AGPAT4: variants seen among roughly 807,000 people sequenced by gnomAD.
The protein encoded by AGPAT4 is 1-acyl-sn-glycerol-3-phosphate acyltransferase delta.
Under a neutral mutation model 48.0 loss-of-function variants are expected in AGPAT4, and 15 were observed. That is an observed-to-expected ratio of 0.31 (90% confidence interval 0.21 to 0.48). AGPAT4 has a LOEUF of 0.48. AGPAT4 is among the 20% of genes least tolerant of loss of function. The pLI, the probability that AGPAT4 is intolerant of heterozygous loss-of-function variation, is 0.99. For synonymous variants in AGPAT4, 178 were observed against 198.7 expected (o/e 0.90, Z 0.88); for missense variants, 314 against 482.5 (o/e 0.65, Z 3.27).
rs947441514 is a variant in AGPAT4, at chr6:161,184,454, G to A, written c.179-18037C>T. 5.9e-5 allele frequency among the ~76,000 whole-genome samples: 9 copies of A among 151,908 alleles called. No homozygotes were observed. Among genetic ancestry groups the A allele is most frequent in the African/African-American group, 1.9e-4 (8 of 41,320 alleles). ...GAAGGTGTGTGGAGGGAGATAGAGG[G>A]GCAGGTGATGGAGGAGTCTGGCATT... On this transcript the variant is annotated intron_variant, in intron 2 of 8. Coordinates refer to ENST00000320285, the MANE Select transcript of AGPAT4 (RefSeq NM_020133.3). The surrounding 1 kb of genome is among the most constrained non-coding windows in gnomAD (Gnocchi z 4.8).
Position 161,264,615 on chromosome 6 carries a change from C to T in AGPAT4, c.-90+9323G>A, listed in dbSNP as rs748270146. ...CGTGGGAACCCCTCGCTGAGGCTTC[C>T]GTCTTGCCCTCTGGGCAGCAGGCTC... On this transcript the variant is annotated intron_variant, in intron 1 of 8. Transcript: ENST00000320285. This position sits in a 1 kb window ranked among gnomAD's most constrained non-coding sequence, Gnocchi z 6.8. 2.6e-5 allele frequency among the ~76,000 whole-genome samples: 4 copies of T among 152,222 alleles called. No individual in the cohort carries two copies. Among genetic ancestry groups the T allele is most frequent in the South Asian group, 2.1e-4 (1 of 4,836 alleles).
Position 161,149,178 on chromosome 6 carries a change from T to C in AGPAT4, c.767+9A>G. 1 of 1,610,950 alleles carries C rather than the reference T, an allele frequency of 6.2e-7. No individual in the cohort carries two copies. The highest frequency in any genetic ancestry group is 8.5e-7 in the Non-Finnish European group (1 of 1,179,206). ...CTGTCTTTTCTGGAAAGGAAACAGT[T>C]CGACTTACCTAACATACAAATCTGC... On this transcript the variant is annotated intron_variant, in intron 6 of 8. Transcript: ENST00000320285. The surrounding 1 kb of genome is among the most constrained non-coding windows in gnomAD (Gnocchi z 6.5).
chr6:161,143,538 T>C lies in AGPAT4; in HGVS notation c.843+2986A>G, dbSNP rs116369532. Among the ~76,000 whole-genome samples the C allele has an allele frequency of 0.026, 3,969 of 152,246 alleles. 181 individuals are homozygous for C. The highest frequency in any genetic ancestry group is 0.09 in the African/African-American group (3,751 of 41,534). ...AGAAACCGTGATGGCTATCGTGACC[T>C]CCCTGGAAAAAAGGGGGTTCTGAGG... is the stretch of plus-strand genomic sequence containing the variant. On this transcript the variant is annotated intron_variant, in intron 7 of 8. Coordinates refer to ENST00000320285, the MANE Select transcript of AGPAT4 (RefSeq NM_020133.3). The surrounding 1 kb of genome is among the most constrained non-coding windows in gnomAD (Gnocchi z 4.7).
intron 5 of AGPAT4, 55 bp downstream of exon 5, chr6:161,153,291 G>C: frequency 6.4e-7 from 1 of 1,556,662 alleles, no homozygotes; most frequent in Middle Eastern, 1.7e-4. Context: ...TCCGGAGCTG[G>C]GGCTTGTCTT....
rs985833429 is a variant in AGPAT4 at position 161,178,355 on chromosome 6, C to T, written c.179-11938G>A. 2.0e-5 allele frequency among the ~76,000 whole-genome samples: 3 copies of T among 152,252 alleles called. No homozygotes were observed. Among genetic ancestry groups the T allele is most frequent in the South Asian group, 2.1e-4 (1 of 4,832 alleles). Reference sequence around the variant, plus strand: ...ATGGCGGATGCCCCTCCCCGAACCTCGCTGCCGCCTTGCAGTTCGATCAGA... The same window carrying T: ...ATGGCGGATGCCCCTCCCCGAACCTTGCTGCCGCCTTGCAGTTCGATCAGA... On this transcript the variant is annotated intron_variant, in intron 2 of 8. Coordinates refer to ENST00000320285, the MANE Select transcript of AGPAT4 (RefSeq NM_020133.3). The surrounding 1 kb of genome is among the most constrained non-coding windows in gnomAD (Gnocchi z 5.1).
rs555999035 is a variant in AGPAT4, at chr6:161,219,213, G to A, written c.178+12823C>T. ...CAGTATGGTGAAACCAAAACCCATA[G>A]CTAAGGCAGTGGTCTTTCAATGTTT... is the stretch of plus-strand genomic sequence containing the variant. On this transcript the variant is annotated intron_variant, in intron 2 of 8. Transcript: ENST00000320285. This position sits in a 1 kb window ranked among gnomAD's most constrained non-coding sequence, Gnocchi z 4.9. 2.0e-5 allele frequency among the ~76,000 whole-genome samples: 3 copies of A among 151,804 alleles called. No homozygotes were observed. The highest frequency in any genetic ancestry group is 4.2e-4 in the South Asian group (2 of 4,780).
intron 2 of AGPAT4, among the ~76,000 whole-genome samples, chr6:161,203,100 A>G (rs950608502): frequency 3.3e-5 from 5 of 152,196 alleles, no homozygotes; most frequent in Non-Finnish European, 7.3e-5. Flanking sequence ...GCACAATGAA[A>G]TGATTATTTT....
intron 1 of AGPAT4, among the ~76,000 whole-genome samples, chr6:161,257,726 CAAG>C (rs927457128): frequency 7.3e-5 from 11 of 151,552 alleles, no homozygotes; most frequent in African/African-American, 2.7e-4. Flanking sequence ...GGAATGTGGA[CAAG>C]AAGGAGAAAG....
chr6:161,169,340 C>T lies in AGPAT4; in HGVS notation c.179-2923G>A, dbSNP rs934521920. 2.0e-5 allele frequency among the ~76,000 whole-genome samples: 3 copies of T among 152,166 alleles called. No homozygotes were observed. The highest frequency in any genetic ancestry group is 7.2e-5 in the African/African-American group (3 of 41,434). ...TTAGCGGGTGACTACATCAGCACAG[C>T]GAGAGGGGATGGTGCTGGGACCAGG... On this transcript the variant is annotated intron_variant, in intron 2 of 8. Transcript: ENST00000320285. The surrounding 1 kb of genome is among the most constrained non-coding windows in gnomAD (Gnocchi z 5.0).
In AGPAT4 at chr6:161,153,427, T is replaced by C; in HGVS notation, c.583A>G (p.Lys195Glu). The C allele has an allele frequency of 6.2e-7, 1 of 1,612,324 alleles. No individual in the cohort carries two copies. Among genetic ancestry groups the C allele is most frequent in the Non-Finnish European group, 8.5e-7 (1 of 1,179,350 alleles). The stretch of plus-strand genomic sequence containing the variant: ...TGATGCTTGAGGCGAGGCAGCCCCT[T>C]GGCCCGGGCCACCTGCATGCTGATC... ...HEISMQVARA[K>E]GLPRLKHHLL... Residue 195 changes from lysine (K) to glutamate (E), a missense_variant, in exon 5 of 9, where the codon AAG (lysine) becomes GAG (glutamate). Physicochemically the swap from Lys to Glu is moderately conservative, Grantham distance 56 (BLOSUM62 1). Transcript: ENST00000320285.
At position 161,149,409 on chromosome 6, in the gene AGPAT4, G is replaced by A; in HGVS notation, c.665-120C>T. On this transcript the variant is annotated intron_variant, in intron 5 of 8. Coordinates refer to ENST00000320285, the MANE Select transcript of AGPAT4 (RefSeq NM_020133.3). This position sits in a 1 kb window ranked among gnomAD's most constrained non-coding sequence, Gnocchi z 6.5. ...TAACTGCTTATCTAGAAATGGTGTGGTCAGATTTCTTTCTTTCTATATGGT... is the reference window on the plus strand; with the variant it reads ...TAACTGCTTATCTAGAAATGGTGTGATCAGATTTCTTTCTTTCTATATGGT... 1 of 823,706 alleles carries A rather than the reference G, an allele frequency of 1.2e-6. No homozygotes were observed. Among genetic ancestry groups the A allele is most frequent in the Non-Finnish European group, 1.8e-6 (1 of 555,354 alleles). 51.0% of individuals were successfully genotyped at this position (823,706 alleles called of 1,614,324 possible). A position where few individuals can be genotyped will look rare whatever the true frequency, so the allele number is the denominator to read the frequency against.
chr6:161,161,250 C>G lies in AGPAT4; in HGVS notation c.348+4998G>C, dbSNP rs1324647348. ...TGTCCAACGTGGGACCGGACTTTTA[C>G]AGATGAGCATGCGCTCCCACCTCCA... On this transcript the variant is annotated intron_variant, in intron 3 of 8. Transcript: ENST00000320285. This position sits in a 1 kb window ranked among gnomAD's most constrained non-coding sequence, Gnocchi z 4.6. The G allele has an allele frequency of 2.2e-6, 1 of 456,692 alleles. No individual in the cohort carries two copies. Among genetic ancestry groups the G allele is most frequent in the South Asian group, 1.5e-5 (1 of 64,552 alleles). The allele number at this position is 456,692 out of a possible 1,614,324, so 28.3% of individuals were successfully genotyped here. A position where few individuals can be genotyped will look rare whatever the true frequency, so the allele number is the denominator to read the frequency against.
intron 2 of AGPAT4, among the ~76,000 whole-genome samples, chr6:161,179,073 C>T (rs1583306242): frequency 6.6e-6 from 1 of 152,190 alleles, no homozygotes; most frequent in East Asian, 1.9e-4. Flanking sequence ...TGCTATTCAA[C>T]CATTGCCTGT....
chr6:161,170,576 C>T (rs1412736104), intron 2 of AGPAT4, among the ~76,000 whole-genome samples: 2 of 151,388 alleles, frequency 1.3e-5, no homozygotes, highest in Non-Finnish European at 2.9e-5. Flanking sequence ...GTTGGATGTT[C>T]TTATGTAAAT....
At chr6:161,145,214 G>A (rs947918896) in intron 7 of AGPAT4, among the ~76,000 whole-genome samples, 1 of 151,698 alleles carries the variant, frequency 6.6e-6, no homozygotes, top group Non-Finnish European at 1.5e-5. Context: ...ATCTGCATCA[G>A]AAGCAGTTTG....
At chr6:161,168,962 T>C (rs547499919) in intron 2 of AGPAT4, among the ~76,000 whole-genome samples, 2 of 152,244 alleles carry the variant, frequency 1.3e-5, no homozygotes, top group South Asian at 2.1e-4. Flanking sequence ...AATAAGAGCA[T>C]GGACTCAAGG....
At position 161,238,965 on chromosome 6, in the gene AGPAT4, T is replaced by G. The variant is rs951857728; in HGVS notation, c.-89-6663A>C. 6.6e-6 allele frequency among the ~76,000 whole-genome samples: 1 copy of G among 152,206 alleles called. No homozygotes were observed. Among genetic ancestry groups the G allele is most frequent in the African/African-American group, 2.4e-5 (1 of 41,440 alleles). On this transcript the variant is annotated intron_variant, in intron 1 of 8. Coordinates refer to ENST00000320285, the MANE Select transcript of AGPAT4 (RefSeq NM_020133.3). This position sits in a 1 kb window ranked among gnomAD's most constrained non-coding sequence, Gnocchi z 5.2. ...GTGAGTCAATTAAACCTCTTTCCTT[T>G]ATAAATTACCCAGTCTCGAGTATGT...
chr6:161,186,627 C>A (rs1448554291), intron 2 of AGPAT4, among the ~76,000 whole-genome samples: 1 of 152,144 alleles, frequency 6.6e-6, no homozygotes, highest in East Asian at 1.9e-4. Context: ...GCCGCCACTT[C>A]CTCCTGTTAG....
intron 1 of AGPAT4, among the ~76,000 whole-genome samples, chr6:161,237,950 A>G (rs1434692795): frequency 6.6e-6 from 1 of 151,944 alleles, no homozygotes; most frequent in African/African-American, 2.4e-5. Context: ...GGCATGCTCT[A>G]TTAAAGTCAG....
Sources: allele counts gnomAD v4.1 joint callset (sites outside exome capture counted in the v4.1 genomes callset), GRCh38; gene constraint gnomAD v4.1.1; non-coding constraint Gnocchi (gnomAD v3.1); transcripts MANE v1.5; gene names NCBI Gene and HGNC (gene_info 2026-07-23, HGNC 2026-07-21).